TPTE2: variants seen among roughly 807,000 people sequenced by gnomAD.
TPTE2 encodes the protein transmembrane phosphoinositide 3-phosphatase and tensin homolog 2, also known as phosphatidylinositol 3,4,5-trisphosphate 3-phosphatase TPTE2.
In TPTE2, 53 loss-of-function variants were observed where a neutral mutation model predicts 78.6. That is an observed-to-expected ratio of 0.67 (90% CI 0.54 to 0.85). TPTE2 has a LOEUF of 0.85. Among genes scored for constraint, TPTE2 ranks in the 40% least tolerant of loss-of-function variants. The pLI is 0.00. For missense variants in TPTE2, 461 were observed against 623.0 expected, an observed-to-expected ratio of 0.74 and a Z score of 2.77; for synonymous variants, 175 against 206.2, an observed-to-expected ratio of 0.85 and a Z score of 1.30.
chr13:19,559,153 AG>A, the TPTE2 span, among the ~76,000 whole-genome samples: 1 of 152,254 alleles, frequency 6.6e-6, no homozygotes, highest in Non-Finnish European at 1.5e-5. Context: ...AATTTTAGTC[AG>A]TGCTGGCTGT....
At chr13:19,495,851 T>TTTG (rs1044711774) in intron 1 of TPTE2, among the ~76,000 whole-genome samples, 1 of 152,232 alleles carries the variant, frequency 6.6e-6, no homozygotes, top group African/African-American at 2.4e-5. Context: ...TTTTGTTTTT[T>TTTG]TTGTTGTTGT....
intron 10 of TPTE2, among the ~76,000 whole-genome samples, chr13:19,453,341 C>G (rs1336217795): frequency 3.3e-5 from 5 of 151,832 alleles, no homozygotes; most frequent in Non-Finnish European, 5.9e-5. Context: ...GTCCTTCATT[C>G]TCTCAACAAG....
chr13:19,480,138 T>C (rs569506908), intron 4 of TPTE2, among the ~76,000 whole-genome samples: 1 of 152,070 alleles, frequency 6.6e-6, no homozygotes, highest in South Asian at 2.1e-4. Context: ...TTTAATGAAA[T>C]GGGATTTGTA....
upstream of TPTE2, among the ~76,000 whole-genome samples, chr13:19,538,505 C>A (rs889076017): frequency 2.0e-5 from 3 of 151,780 alleles, no homozygotes; most frequent in Non-Finnish European, 1.5e-5. Context: ...CAGGTATGAG[C>A]CACCACGCCC....
intron 1 of TPTE2, among the ~76,000 whole-genome samples, chr13:19,497,985 G>A (rs1259620040): frequency 5.3e-5 from 8 of 151,564 alleles, no homozygotes; most frequent in Non-Finnish European, 8.8e-5. Context: ...ACCAAGGCTC[G>A]AGAACTACGT....
intron 1 of TPTE2, among the ~76,000 whole-genome samples, chr13:19,525,764 A>G (rs375342785): frequency 6.6e-5 from 10 of 152,290 alleles, no homozygotes; most frequent in African/African-American, 2.2e-4. Context: ...AGCCTACAGA[A>G]TGGGAAAAAA....
chr13:19,522,910 G>A (rs1444550716), intron 1 of TPTE2, among the ~76,000 whole-genome samples: 1 of 152,058 alleles, frequency 6.6e-6, no homozygotes, highest in African/African-American at 2.4e-5. Flanking sequence ...ACAGGCATGA[G>A]CCACTGCACC....
the TPTE2 span, among the ~76,000 whole-genome samples, chr13:19,551,837 A>T: frequency 2.0e-5 from 3 of 152,170 alleles, no homozygotes; most frequent in Admixed American, 6.5e-5. Flanking sequence ...CATTTTCCTA[A>T]GACTTATTCA....
chr13:19,485,368 G>T (rs559125971), intron 3 of TPTE2, among the ~76,000 whole-genome samples: 95 of 151,902 alleles, frequency 6.3e-4, no homozygotes, highest in African/African-American at 2.2e-3. Flanking sequence ...TCAGAACTTC[G>T]AATATATCAT....
chr13:19,475,360 G>A (rs1329648294), intron 5 of TPTE2, among the ~76,000 whole-genome samples: 1 of 151,962 alleles, frequency 6.6e-6, no homozygotes, highest in Non-Finnish European at 1.5e-5. Flanking sequence ...TGAGTAGCTG[G>A]GATTACAGGC....
chr13:19,466,598 C>T (rs889337717), intron 7 of TPTE2, among the ~76,000 whole-genome samples: 5 of 152,206 alleles, frequency 3.3e-5, no homozygotes, highest in African/African-American at 9.7e-5. Flanking sequence ...CTAACTTTGC[C>T]TAAGCTTTCT....
chr13:19,486,308 T>C lies in TPTE2; in HGVS notation c.120-3761A>G, dbSNP rs1403927447. Among the ~76,000 whole-genome samples the C allele has an allele frequency of 2.0e-5, 3 of 152,186 alleles. No homozygotes were observed. In the East Asian group the frequency reaches 5.8e-4, roughly 29 times the overall value. ...CTAGTAACATTTGCAAGTTACTCAG[T>C]GGCCTCGGCTAAGGAAGTTTGTGGT... On this transcript the variant is annotated intron_variant, in intron 3 of 19. Transcript: ENST00000400230. The surrounding 1 kb of genome is among the most constrained non-coding windows in gnomAD (Gnocchi z 4.3).
At chr13:19,560,492 A>G in the TPTE2 span, 48,546 of 1,592,222 alleles carry the variant, frequency 0.03, 852 homozygotes, top group Non-Finnish European at 0.034. Context: ...ACCTCCATTC[A>G]TACTCTCTGC....
Position 19,452,782 on chromosome 13 carries a change from G to A in TPTE2, c.742-1557C>T, listed in dbSNP as rs527815641. Among the ~76,000 whole-genome samples, 1,322 of 152,032 alleles carry A rather than the reference G, an allele frequency of 8.7e-3. 25 individuals are homozygous for A. Among genetic ancestry groups the A allele is most frequent in the African/African-American group, 0.03 (1,255 of 41,480 alleles). On this transcript the variant is annotated intron_variant, in intron 10 of 19. Transcript: ENST00000400230. Reference sequence around the variant, plus strand: ...AACCCTAAAAATATTCATACTCTTAGCTAGGTAATTTCACTCCTAGCAATC... The same window carrying A: ...AACCCTAAAAATATTCATACTCTTAACTAGGTAATTTCACTCCTAGCAATC...
chr13:19,527,754 G>A (rs1870595978), intron 1 of TPTE2, among the ~76,000 whole-genome samples: 1 of 152,164 alleles, frequency 6.6e-6, no homozygotes, highest in Non-Finnish European at 1.5e-5. Flanking sequence ...TGTGGTCCCA[G>A]CTACTGGCTA....
At chr13:19,515,960 G>C (rs1172871854) in intron 1 of TPTE2, among the ~76,000 whole-genome samples, 2 of 152,246 alleles carry the variant, frequency 1.3e-5, no homozygotes, top group Admixed American at 6.5e-5. Flanking sequence ...CTTTCAGGGA[G>C]AGTATTGCAT....
chr13:19,497,459 G>C lies in TPTE2; in HGVS notation c.12-3958C>G, dbSNP rs1381538333. Among the ~76,000 whole-genome samples the C allele has an allele frequency of 5.0e-3, 561 of 111,146 alleles. 3 individuals carry two copies. The highest frequency in any genetic ancestry group is 7.3e-3 in the Non-Finnish European group (357 of 49,032). 72.9% of individuals were successfully genotyped at this position (111,146 alleles called of 152,430 possible). On this transcript the variant is annotated intron_variant, in intron 1 of 19. Coordinates refer to ENST00000400230, the Ensembl canonical transcript of TPTE2. ...AGCACGCAGCTGGAGATCTGAGAACGGGCAGACTGCCTCCTCAAGTGGGTC... is the reference window on the plus strand; with the variant it reads ...AGCACGCAGCTGGAGATCTGAGAACCGGCAGACTGCCTCCTCAAGTGGGTC...
intron 1 of TPTE2, among the ~76,000 whole-genome samples, chr13:19,530,296 G>A (rs1870783334): frequency 6.6e-6 from 1 of 152,130 alleles, no homozygotes; most frequent in African/African-American, 2.4e-5. Flanking sequence ...ACAGCACAGA[G>A]TCAGTCTGTC....
chr13:19,483,622 A>G (rs748302560), intron 3 of TPTE2, among the ~76,000 whole-genome samples: 40 of 151,908 alleles, frequency 2.6e-4, no homozygotes, highest in Non-Finnish European at 4.6e-4. Flanking sequence ...TTTTGCCTCA[A>G]ATCTGTTTAT....
Sources: allele counts gnomAD v4.1 joint callset (sites outside exome capture counted in the v4.1 genomes callset), GRCh38; gene constraint gnomAD v4.1.1; non-coding constraint Gnocchi (gnomAD v3.1); transcripts MANE v1.5; gene names NCBI Gene and HGNC (gene_info 2026-07-23, HGNC 2026-07-21).